Variants in POLN observed in about 807,000 individuals in gnomAD.
The protein encoded by POLN is DNA polymerase nu.
POLN carries 108 observed loss-of-function variants against 113.5 expected under a neutral mutation model. The observed-to-expected ratio is 0.95, with a 90% CI of 0.81 to 1.12. The LOEUF is 1.12. Among genes scored for constraint, POLN ranks in the 50% most tolerant of loss-of-function variants. The probability of loss-of-function intolerance (pLI) is 0.00; values close to 1 mark genes in which losing one functional copy is unlikely to be tolerated. For synonymous variants in POLN, 386 were observed against 391.5 expected (o/e 0.99, Z 0.17); for missense variants, 1,097 against 1,077.1 (o/e 1.02, Z -0.26).
intron 7 of POLN, among the ~76,000 whole-genome samples, chr4:2,188,338 CG>C (rs1486998741): frequency 6.6e-6 from 1 of 152,150 alleles, no homozygotes; most frequent in Non-Finnish European, 1.5e-5. Context: ...CAGTGGCTCA[CG>C]CCTGTAATCC....
At chr4:2,112,612 G>A (rs1366780279) in intron 19 of POLN, among the ~76,000 whole-genome samples, 1 of 152,202 alleles carries the variant, frequency 6.6e-6, no homozygotes, top group Admixed American at 6.5e-5. Context: ...AGACATTTAT[G>A]CAGCAAAAAA....
At chr4:2,101,139 C>T (rs1162281380) in intron 19 of POLN, among the ~76,000 whole-genome samples, 1 of 151,282 alleles carries the variant, frequency 6.6e-6, no homozygotes, top group East Asian at 1.9e-4. Flanking sequence ...TGAGTACATG[C>T]CTAAACATGA....
chr4:2,098,801 T>C (rs627283), intron 19 of POLN, among the ~76,000 whole-genome samples: 115,349 of 152,220 alleles, frequency 0.76, 46,858 homozygotes, highest in Non-Finnish European at 0.9. Context: ...ATGGGGCTCC[T>C]TGGAGAAATG....
chr4:2,163,027 CAAAAAAA>C (rs66769262), intron 13 of POLN, among the ~76,000 whole-genome samples: 2 of 66,556 alleles, frequency 3.0e-5, no homozygotes, highest in African/African-American at 1.1e-4. Flanking sequence ...CAGTTCCTAC[CAAAAAAA>C]AAAAAAAAAA....
At chr4:2,097,697 G>T (rs532783752) in intron 19 of POLN, among the ~76,000 whole-genome samples, 1 of 152,262 alleles carries the variant, frequency 6.6e-6, no homozygotes, top group Admixed American at 6.5e-5. Context: ...TAGAGGTAGG[G>T]TCTTGCTTGT....
chr4:2,235,609 CAT>C (rs999818589), intron 2 of POLN, among the ~76,000 whole-genome samples: 18 of 152,246 alleles, frequency 1.2e-4, no homozygotes, highest in African/African-American at 4.1e-4. Context: ...GTCTCAAAAA[CAT>C]ATTAAGCCAT....
At chr4:2,090,305 T>C in intron 20 of POLN, 1 of 804,680 alleles carries the variant, frequency 1.2e-6, no homozygotes, top group Non-Finnish European at 2.1e-6. Flanking sequence ...TCTTCAGAAC[T>C]GATTCAATCA....
chr4:2,140,834 C>G lies in POLN; in HGVS notation c.1732-9544G>C, dbSNP rs147039050. On this transcript the variant is annotated intron_variant, in intron 16 of 25. Coordinates refer to ENST00000511885, the MANE Select transcript of POLN (RefSeq NM_181808.4). ...CTTTTCCATTTTGTTTAGAAAATGG[C>G]ACTCGGATCTTCATGACGGTGCCCA... The G allele has an allele frequency of 3.9e-5, 6 of 152,270 alleles. No individual in the cohort carries two copies. The East Asian group carries it at 1.2e-3, about 29-fold the overall frequency. 9.4% of individuals were successfully genotyped at this position (152,270 alleles called of 1,614,324 possible). A position where few individuals can be genotyped will look rare whatever the true frequency, so the allele number is the denominator to read the frequency against.
intron 3 of POLN, among the ~76,000 whole-genome samples, chr4:2,216,465 G>A (rs916173): frequency 6.6e-6 from 1 of 152,136 alleles, no homozygotes. Context: ...TTCATCACAG[G>A]TGTCACCTCC....
At position 2,149,964 on chromosome 4, in the gene POLN, T is replaced by C. The variant is rs1163769503; in HGVS notation, c.1731+6824A>G. Among the ~76,000 whole-genome samples the C allele has an allele frequency of 4.0e-5, 6 of 151,894 alleles. No individual in the cohort carries two copies. The South Asian group carries it at 1.0e-3, about 26-fold the overall frequency. On this transcript the variant is annotated intron_variant, in intron 16 of 25. Transcript: ENST00000511885. ...TGGGTGTGGTGGTGGGCTCCTGTAATCCCAGCTACTCGGGAAGCTGAGGCA... is the reference window on the plus strand; with the variant it reads ...TGGGTGTGGTGGTGGGCTCCTGTAACCCCAGCTACTCGGGAAGCTGAGGCA...
intron 16 of POLN, among the ~76,000 whole-genome samples, chr4:2,156,101 G>A (rs1468076636): frequency 6.6e-6 from 1 of 152,052 alleles, no homozygotes; most frequent in African/African-American, 2.4e-5. Context: ...CAAAGTGCTG[G>A]GATTACAGGC....
At chr4:2,134,206 A>G (rs985680391) in intron 16 of POLN, among the ~76,000 whole-genome samples, 1 of 152,240 alleles carries the variant, frequency 6.6e-6, no homozygotes, top group African/African-American at 2.4e-5. Flanking sequence ...CCTTTTTATC[A>G]CTGAATAATA....
chr4:2,101,203 C>T (rs1730914642), intron 19 of POLN, among the ~76,000 whole-genome samples: 1 of 151,898 alleles, frequency 6.6e-6, no homozygotes, highest in East Asian at 1.9e-4. Context: ...ATACATGAGT[C>T]TCATAAATAG....
chr4:2,195,062 G>T (rs1286167255), intron 6 of POLN, among the ~76,000 whole-genome samples: 1 of 152,100 alleles, frequency 6.6e-6, no homozygotes, highest in East Asian at 1.9e-4. Context: ...GAGTGTGTAT[G>T]TGAAAGGCCT....
intron 20 of POLN, 21 bp from the exon 21 acceptor site, chr4:2,085,765 T>C (rs1730535079): frequency 1.2e-6 from 2 of 1,612,208 alleles, no homozygotes; most frequent in South Asian, 1.1e-5. Context: ...GAGAGACGCA[T>C]GTCAAAGCCT....
intron 16 of POLN, among the ~76,000 whole-genome samples, chr4:2,135,359 C>T (rs1023798559): frequency 6.6e-6 from 1 of 152,214 alleles, no homozygotes; most frequent in Non-Finnish European, 1.5e-5. Context: ...GAGATATCAG[C>T]CCGTGCCAAG....
rs1056088005 is a variant in POLN, at chr4:2,185,149, C to A, written c.1022-5684G>T. 5.3e-5 allele frequency among the ~76,000 whole-genome samples: 8 copies of A among 152,270 alleles called. No individual in the cohort carries two copies. In the South Asian group the frequency reaches 1.4e-3, roughly 28 times the overall value. ...GACAATGACAAGCAGTAGCTTCTAA[C>A]ATCACAAAAAAAGATAAACATCCAA... On this transcript the variant is annotated intron_variant, in intron 7 of 25. Transcript: ENST00000511885.
Position 2,072,258 on chromosome 4 carries a change from TC to T in POLN, c.2558del (p.Gly853AspfsTer105), listed in dbSNP as rs1477167134. The T allele has an allele frequency of 6.3e-7, 1 of 1,595,450 alleles. No homozygotes were observed. Among genetic ancestry groups the T allele is most frequent in the Non-Finnish European group, 8.5e-7 (1 of 1,170,534 alleles). On this transcript the variant is annotated frameshift_variant, in exon 26 of 26. Coordinates refer to ENST00000511885, the MANE Select transcript of POLN (RefSeq NM_181808.4). LOFTEE classifies it low-confidence loss of function (END_TRUNC). ...KVSLSAGRSW[G>X]HLVPLQEAWG... ...AGGCCTCCTGCAGTGGCACCAGGTG[TC>T]CCCATGAGCGGCCGGCACTCAGGCT...
At chr4:2,162,269 T>G (rs1732616160) in intron 13 of POLN, among the ~76,000 whole-genome samples, 2 of 151,906 alleles carry the variant, frequency 1.3e-5, no homozygotes, top group South Asian at 4.2e-4. Context: ...ACCAGCCCAC[T>G]GGGAGGAATG....
Sources: gnomAD v4.1 joint callset for allele counts (sites outside exome capture counted in the v4.1 genomes callset) on GRCh38, gnomAD v4.1.1 for gene constraint, MANE v1.5 for transcripts, NCBI Gene and HGNC (gene_info 2026-07-23, HGNC 2026-07-21) for gene names.